PTK2: variants seen among roughly 807,000 people sequenced by gnomAD.
PTK2 encodes the protein protein tyrosine kinase 2, also known as focal adhesion kinase 1.
PTK2 carries 45 observed loss-of-function variants against 150.1 expected under a neutral mutation model. That is an observed-to-expected ratio of 0.30 (90% CI 0.24 to 0.38). The LOEUF is 0.38. PTK2 is among the 10% of genes least tolerant of loss of function. PTK2 has a pLI of 1.00. For missense variants in PTK2, 919 were observed against 1,307.3 expected, an observed-to-expected ratio of 0.70 and a Z score of 4.58; for synonymous variants, 432 against 449.2, an observed-to-expected ratio of 0.96 and a Z score of 0.48.
intron 4 of PTK2, among the ~76,000 whole-genome samples, chr8:140,878,590 T>C (rs1044348201): frequency 1.3e-5 from 2 of 151,876 alleles, no homozygotes; most frequent in South Asian, 4.2e-4. Context: ...CGAGACTCTG[T>C]CTCAAAAAAG....
At chr8:140,902,942 T>TTTTTTG (rs2100159274) in intron 2 of PTK2, among the ~76,000 whole-genome samples, 1 of 131,958 alleles carries the variant, frequency 7.6e-6, no homozygotes, top group Non-Finnish European at 1.6e-5. Flanking sequence ...TTTTTTTTTT[T>TTTTTTG]TTTTTTTTTT....
intron 4 of PTK2, among the ~76,000 whole-genome samples, chr8:140,875,977 T>C (rs2100145228): frequency 1.3e-5 from 2 of 152,346 alleles, no homozygotes; most frequent in East Asian, 1.9e-4. Context: ...ATAGCTTGTA[T>C]TGTAATTGCC....
chr8:140,752,418 A>G, intron 16 of PTK2, 102 bp from the exon 20 acceptor site: 2 of 985,346 alleles, frequency 2.0e-6, no homozygotes, highest in Non-Finnish European at 1.6e-6. Flanking sequence ...TGGGTTATGG[A>G]CCAGACAGAA....
At chr8:140,673,687 G>A (rs1043095509) in intron 29 of PTK2, among the ~76,000 whole-genome samples, 4 of 152,082 alleles carry the variant, frequency 2.6e-5, no homozygotes, top group African/African-American at 7.2e-5. Context: ...GAGGGCTGGT[G>A]GGGACCCAGG....
At chr8:140,763,564 G>A (rs1337924680) in intron 15 of PTK2, among the ~76,000 whole-genome samples, 1 of 151,720 alleles carries the variant, frequency 6.6e-6, no homozygotes, top group African/African-American at 2.4e-5. Context: ...TCAAGATCTG[G>A]AGACTATACA....
chr8:140,747,208 CTCTT>C (rs2100059508), intron 17 of PTK2: 1 of 199,272 alleles, frequency 5.0e-6, no homozygotes. Context: ...CTTTTGAAAA[CTCTT>C]TCAGCTTCTC....
chr8:140,823,017 T>A (rs2100109725), intron 8 of PTK2, among the ~76,000 whole-genome samples: 1 of 152,178 alleles, frequency 6.6e-6, no homozygotes, highest in Non-Finnish European at 1.5e-5. Flanking sequence ...GTGTAAGAAA[T>A]GTCTCCCATC....
Position 140,803,527 on chromosome 8 carries a change from C to A in PTK2, c.975+16G>T, listed in dbSNP as rs534266408. The A allele has an allele frequency of 4.4e-6, 7 of 1,579,570 alleles. No homozygotes were observed. The highest frequency in any genetic ancestry group is 6.1e-6 in the Non-Finnish European group (7 of 1,148,830). ...TTAACCATTTTCCCTTAATGATGAA[C>A]GTAACAGTTCCTTACCTCGGGTGCA... is the stretch of plus-strand genomic sequence containing the variant. On this transcript the variant is annotated intron_variant, in intron 11 of 31. Coordinates refer to ENST00000522684, the Ensembl canonical transcript of PTK2.
chr8:140,852,241 T>C lies in PTK2; in HGVS notation c.451-5563A>G, dbSNP rs139594565. ...TCTCACTGAATGCACACCCTGTTGG[T>C]AGGTACAACAGATTAACGACAGTTA... On this transcript the variant is annotated intron_variant, in intron 5 of 31. Coordinates refer to ENST00000522684, the Ensembl canonical transcript of PTK2. Among the ~76,000 whole-genome samples the C allele has an allele frequency of 6.0e-3, 913 of 152,334 alleles. 13 individuals carry two copies. The highest frequency in any genetic ancestry group is 0.021 in the African/African-American group (872 of 41,570).
intron 10 of PTK2, among the ~76,000 whole-genome samples, chr8:140,804,102 A>T (rs1242015016): frequency 1.3e-5 from 2 of 152,204 alleles, no homozygotes; most frequent in African/African-American, 4.8e-5. Context: ...TCTGAAACTA[A>T]CTGGAGATCT....
rs375405290 is a variant in PTK2 at position 140,693,063 on chromosome 8, T to TA, written c.2500-6370dup. Reference sequence around the variant, plus strand: ...TAGAAAATTATTGTGCATGCAGTAATAAAAAAAAAAAGCAAGTTGCAAAGT... The same window carrying TA: ...TAGAAAATTATTGTGCATGCAGTAATAAAAAAAAAAAAGCAAGTTGCAAAGT... On this transcript the variant is annotated intron_variant, in intron 26 of 31. Transcript: ENST00000522684. Among the ~76,000 whole-genome samples, 258 of 144,320 alleles carry TA rather than the reference T, an allele frequency of 1.8e-3. 2 individuals carry two copies. The highest frequency in any genetic ancestry group is 2.8e-3 in the South Asian group (13 of 4,564). The allele number at this position is 144,320 out of a possible 152,430, so 94.7% of individuals were successfully genotyped here.
chr8:140,952,166 G>A lies in PTK2; in HGVS notation c.-121-26417C>T, dbSNP rs569192004. ...GAAAAGAGAACTTATTTTGTGACAG[G>A]CGTTAAACAGTCCTAATTCAGCATT... On this transcript the variant is annotated intron_variant, in intron 1 of 31. Transcript: ENST00000522684. Among the ~76,000 whole-genome samples, 15 of 152,278 alleles carry A rather than the reference G, an allele frequency of 9.9e-5. No individual in the cohort carries two copies. In the South Asian group the frequency reaches 3.1e-3, roughly 32 times the overall value.
At chr8:140,706,007 G>A (rs767565038) in intron 24 of PTK2, 112 bp downstream of exon 27, 9 of 821,822 alleles carry the variant, frequency 1.1e-5, no homozygotes, top group South Asian at 2.3e-5. Context: ...GCTTTCTATC[G>A]GCCAAATCAT....
At chr8:140,958,853 G>A (rs936340389) in intron 1 of PTK2, among the ~76,000 whole-genome samples, 4 of 151,962 alleles carry the variant, frequency 2.6e-5, no homozygotes, top group East Asian at 1.9e-4. Context: ...ATTAAACACC[G>A]TTATACCAGT....
intron 1 of PTK2, among the ~76,000 whole-genome samples, chr8:140,996,806 G>C (rs1432561902): frequency 6.6e-6 from 1 of 152,224 alleles, no homozygotes; most frequent in East Asian, 1.9e-4. Context: ...CTCTGAGAGA[G>C]ATGTACAAAG....
intron 10 of PTK2, among the ~76,000 whole-genome samples, chr8:140,816,413 A>G (rs1222385670): frequency 1.3e-5 from 2 of 152,246 alleles, no homozygotes; most frequent in African/African-American, 4.8e-5. Flanking sequence ...TATCCAGCTG[A>G]CACAGCAGCA....
At chr8:140,899,050 CTTGAGT>C (rs1456740612) in intron 2 of PTK2, among the ~76,000 whole-genome samples, 1 of 152,140 alleles carries the variant, frequency 6.6e-6, no homozygotes, top group Admixed American at 6.5e-5. Context: ...TTCTATAACG[CTTGAGT>C]TTATTTTCCC....
At chr8:140,686,921 C>T (rs2153722301) in intron 26 of PTK2, 1 of 525,938 alleles carries the variant, frequency 1.9e-6, no homozygotes, top group Middle Eastern at 5.2e-4. Context: ...GGTACCTGCA[C>T]TGGCCCACCC....
intron 2 of PTK2, among the ~76,000 whole-genome samples, chr8:140,899,668 T>C (rs2100157672): frequency 6.6e-6 from 1 of 152,024 alleles, no homozygotes; most frequent in Non-Finnish European, 1.5e-5. Context: ...TACAGGCCAA[T>C]ATCACTGAGG....
Sources: gnomAD v4.1 joint callset for allele counts (sites outside exome capture counted in the v4.1 genomes callset) on GRCh38, gnomAD v4.1.1 for gene constraint, MANE v1.5 for transcripts, NCBI Gene and HGNC (gene_info 2026-07-23, HGNC 2026-07-21) for gene names.